The following VPS13D variants were observed in gnomAD, a reference collection of about 807,000 sequenced individuals.
The protein encoded by VPS13D is intermembrane lipid transfer protein VPS13D.
A neutral mutation model predicts 461.9 loss-of-function variants in VPS13D; 187 were observed. That is an observed-to-expected ratio of 0.40 (90% CI 0.36 to 0.46). The LOEUF is 0.46. VPS13D is among the 20% of genes least tolerant of loss of function. The probability of loss-of-function intolerance (pLI) is 0.60; values close to 1 mark genes in which losing one functional copy is unlikely to be tolerated. For missense variants in VPS13D, 4,711 were observed against 5,364.9 expected, an observed-to-expected ratio of 0.88 and a Z score of 3.81; for synonymous variants, 1,951 against 1,986.3, an observed-to-expected ratio of 0.98 and a Z score of 0.47.
intron 46 of VPS13D, among the ~76,000 whole-genome samples, chr1:12,351,899 A>G (rs1643805115): frequency 6.6e-6 from 1 of 152,044 alleles, no homozygotes; most frequent in African/African-American, 2.4e-5. Context: ...GCCCTTTATC[A>G]AAATATTATG....
chr1:12,342,053 A>C (rs1180992830), intron 41 of VPS13D, among the ~76,000 whole-genome samples, 168 bp downstream of exon 41: 1 of 152,100 alleles, frequency 6.6e-6, no homozygotes, highest in East Asian at 1.9e-4. Flanking sequence ...TTTGTAGAGA[A>C]TCTATAGTCA....
At position 12,511,988 on chromosome 1, in the gene VPS13D, C is replaced by T. The variant is rs1157761572; in HGVS notation, c.*2964C>T. ...TGTGTGAAGACTCTTGAGTCTGGTTCTCATATCAGAGTCATCATTTTTCTT... is the reference window on the plus strand; with the variant it reads ...TGTGTGAAGACTCTTGAGTCTGGTTTTCATATCAGAGTCATCATTTTTCTT... On this transcript the variant is annotated 3_prime_UTR_variant, in exon 70 of 70. Transcript: ENST00000620676. This position sits in a 1 kb window ranked among gnomAD's most constrained non-coding sequence, Gnocchi z 4.5. The T allele has an allele frequency of 1.3e-5, 2 of 152,192 alleles. No individual in the cohort carries two copies. Among genetic ancestry groups the T allele is most frequent in the Non-Finnish European group, 2.9e-5 (2 of 68,040 alleles). The allele number at this position is 152,192 out of a possible 1,614,324, so 9.4% of individuals were successfully genotyped here.
At chr1:12,403,608 A>C (rs1025858996) in intron 62 of VPS13D, among the ~76,000 whole-genome samples, 2 of 151,948 alleles carry the variant, frequency 1.3e-5, no homozygotes, top group Non-Finnish European at 2.9e-5. Flanking sequence ...TTAACATGCT[A>C]GTCTTCTTTT....
Position 12,314,120 on chromosome 1 carries a change from A to G in VPS13D, c.6941A>G (p.Asp2314Gly). ...KEGAGSLARF[D>G]FKKCKLLYES... ...CTTTCTTTTCTCTCTTTTAGATTTG[A>G]CTTCAAGAAATGCAAACTGCTCTAT... The change falls in exon 30 of 70, where the codon GAC (aspartate) becomes GGC (glycine). Residue 2314 changes from aspartate to glycine, a missense_variant. Physicochemically the swap from Asp to Gly is moderately conservative, Grantham distance 94 (BLOSUM62 -1). Transcript: ENST00000620676. 1 of 1,613,714 alleles carries G rather than the reference A, an allele frequency of 6.2e-7. No individual in the cohort carries two copies.
intron 22 of VPS13D, among the ~76,000 whole-genome samples, chr1:12,290,490 AGGCGGGC>A (rs1276147140): frequency 6.6e-6 from 1 of 152,160 alleles, no homozygotes; most frequent in East Asian, 1.9e-4. Context: ...TGGGAGGCCA[AGGCGGGC>A]GGATCATGAG....
intron 2 of VPS13D, among the ~76,000 whole-genome samples, chr1:12,241,420 T>C (rs1451566104): frequency 6.6e-6 from 1 of 152,262 alleles, no homozygotes; most frequent in Non-Finnish European, 1.5e-5. Context: ...CAGACAGATT[T>C]AGGTTGCTCA....
intron 2 of VPS13D, among the ~76,000 whole-genome samples, chr1:12,238,391 T>C (rs1475278595): frequency 2.6e-5 from 4 of 151,612 alleles, no homozygotes; most frequent in African/African-American, 9.7e-5. Flanking sequence ...TGAGCTGTGA[T>C]TGTGCCACTG....
chr1:12,256,637 A>T, intron 8 of VPS13D, 134 bp downstream of exon 8: 1 of 1,006,012 alleles, frequency 9.9e-7, no homozygotes, highest in Non-Finnish European at 1.4e-6. Context: ...AAGTTGTGTT[A>T]GGTATAAAAC....
In VPS13D at chr1:12,502,544, G is replaced by C. The variant is rs1646049325; in HGVS notation, c.12795-4309G>C. Among the ~76,000 whole-genome samples the C allele has an allele frequency of 6.6e-6, 1 of 152,048 alleles. No individual in the cohort carries two copies. Among genetic ancestry groups the C allele is most frequent in the Non-Finnish European group, 1.5e-5 (1 of 68,002 alleles). On this transcript the variant is annotated intron_variant, in intron 68 of 69. Transcript: ENST00000620676. This position sits in a 1 kb window ranked among gnomAD's most constrained non-coding sequence, Gnocchi z 4.3. ...GTGGACCTGGGGTGGGTAACGCCTAGGGGTAGAGGAGCCTGTTCCAGGAGC... is the reference window on the plus strand; with the variant it reads ...GTGGACCTGGGGTGGGTAACGCCTACGGGTAGAGGAGCCTGTTCCAGGAGC...
At position 12,362,788 on chromosome 1, in the gene VPS13D, C is replaced by T. The variant is rs564501662; in HGVS notation, c.10210C>T (p.Leu3404=). ...TCMVIFAPRY[L]LDNKSSHKLA... ...CATGGTCATCTTTGCCCCCCGTTAC[C>T]TGTTAGATAATAAATCATCTCACAA... Residue 3404 remains leucine (L), a synonymous_variant, in exon 51 of 70, where the codon CTG becomes TTG. Transcript: ENST00000620676. 84 of 1,614,238 alleles carry T rather than the reference C, an allele frequency of 5.2e-5. No individual in the cohort carries two copies. Among genetic ancestry groups the T allele is most frequent in the Admixed American group, 1.7e-4 (10 of 60,036 alleles).
chr1:12,383,132 G>C lies in VPS13D; in HGVS notation c.11347G>C (p.Asp3783His). The change falls in exon 58 of 70, where the codon GAT (aspartate) becomes CAT (histidine). Residue 3783 changes from aspartate to histidine, a missense_variant. Asp to His is a moderately conservative substitution (Grantham distance 81, BLOSUM62 -1). Coordinates refer to ENST00000620676, the MANE Select transcript of VPS13D (RefSeq NM_015378.4). The stretch of plus-strand genomic sequence containing the variant: ...AATGTTATCCATCAGAGTCATCCCA[G>C]ATGGACCAACTAGAGCACTCCAGGT... ...SGMLSIRVIP[D>H]GPTRALQITD... 6.2e-7 allele frequency: 1 copy of C among 1,613,970 alleles called. No individual in the cohort carries two copies. Among genetic ancestry groups the C allele is most frequent in the Non-Finnish European group, 8.5e-7 (1 of 1,179,956 alleles).
At chr1:12,481,725 G>A (rs144132414) in intron 67 of VPS13D, among the ~76,000 whole-genome samples, 1 of 152,320 alleles carries the variant, frequency 6.6e-6, no homozygotes, top group East Asian at 1.9e-4. Flanking sequence ...TGTCTTCTAG[G>A]CTGTAGTTCA....
intron 13 of VPS13D, among the ~76,000 whole-genome samples, chr1:12,263,691 A>G (rs1188053163): frequency 6.6e-6 from 1 of 152,232 alleles, no homozygotes; most frequent in African/African-American, 2.4e-5. Flanking sequence ...TGGCTGAAGG[A>G]CAAATGATTT....
intron 13 of VPS13D, among the ~76,000 whole-genome samples, chr1:12,263,596 TATAA>T (rs1443912500): frequency 3.9e-5 from 6 of 152,266 alleles, no homozygotes; most frequent in Non-Finnish European, 7.3e-5. Flanking sequence ...ATTAAAGGTG[TATAA>T]ATAAATATGC....
chr1:12,342,211 G>A (rs1176968653), intron 41 of VPS13D, among the ~76,000 whole-genome samples: 1 of 152,136 alleles, frequency 6.6e-6, no homozygotes, highest in Non-Finnish European at 1.5e-5. Context: ...ATTTTAAAGA[G>A]CTATGTGTGG....
Position 12,291,139 on chromosome 1 carries a change from C to A in VPS13D, c.5852+15C>A. The A allele has an allele frequency of 1.2e-6, 2 of 1,606,242 alleles. No homozygotes were observed. The highest frequency in any genetic ancestry group is 1.7e-6 in the Non-Finnish European group (2 of 1,177,264). ...CAGACTTTTAAGTAAAAATGTCAAT[C>A]TTTTTCTGACTTGATATTTTATCAT... On this transcript the variant is annotated intron_variant, in intron 23 of 69. Transcript: ENST00000620676.
chr1:12,253,495 C>A (rs1640809278), intron 6 of VPS13D, among the ~76,000 whole-genome samples: 1 of 152,166 alleles, frequency 6.6e-6, no homozygotes. Context: ...ATAGATTCTT[C>A]TTCTGCTTCC....
intron 3 of VPS13D, 110 bp downstream of exon 3, chr1:12,242,700 A>G: frequency 1.1e-6 from 1 of 891,318 alleles, no homozygotes. Context: ...GGAAGGATAT[A>G]GCAAATGTTA....
chr1:12,274,079 C>T (rs533534630), intron 18 of VPS13D, among the ~76,000 whole-genome samples: 3 of 152,228 alleles, frequency 2.0e-5, no homozygotes, highest in Non-Finnish European at 2.9e-5. Context: ...CTCACTCTGT[C>T]GCCCAGGCTG....
Sources: allele counts gnomAD v4.1 joint callset (sites outside exome capture counted in the v4.1 genomes callset), GRCh38; gene constraint gnomAD v4.1.1; non-coding constraint Gnocchi (gnomAD v3.1); transcripts MANE v1.5; gene names NCBI Gene and HGNC (gene_info 2026-07-23, HGNC 2026-07-21).